WFDC3: variants seen among roughly 807,000 people sequenced by gnomAD.
WFDC3 encodes WAP four-disulfide core domain 3.
Under a neutral mutation model 25.8 loss-of-function variants are expected in WFDC3, and 15 were observed. The observed-to-expected ratio is 0.58, with a 90% CI of 0.39 to 0.89. WFDC3 has a LOEUF of 0.89. Among genes scored for constraint, WFDC3 ranks in the 40% least tolerant of loss-of-function variants. The pLI, the probability that WFDC3 is intolerant of heterozygous loss-of-function variation, is 0.00. For missense variants in WFDC3, 264 were observed against 289.8 expected (o/e 0.91, Z 0.65); for synonymous variants, 103 against 107.1 (o/e 0.96, Z 0.24).
chr20:45,786,787 T>C (rs565186674), intron 4 of WFDC3, among the ~76,000 whole-genome samples: 2 of 152,066 alleles, frequency 1.3e-5, no homozygotes, highest in East Asian at 1.9e-4. Flanking sequence ...TGTGTGTACA[T>C]AGGGAACATA....
intron 1 of WFDC3, among the ~76,000 whole-genome samples, chr20:45,791,469 A>G (rs6104345): frequency 0.7 from 105,434 of 151,304 alleles, 36,941 homozygotes; most frequent in Admixed American, 0.76. Context: ...GCTAATTTTT[A>G]TATTTTTAGT....
chr20:45,774,674 G>C (rs1980051333), intron 6 of WFDC3, among the ~76,000 whole-genome samples: 1 of 152,210 alleles, frequency 6.6e-6, no homozygotes, highest in Non-Finnish European at 1.5e-5. Context: ...GGGCACAGTG[G>C]CTCATGCCTG....
chr20:45,789,136 G>A (rs1980825230), intron 2 of WFDC3, 77 bp from the exon 3 acceptor site: 3 of 1,571,410 alleles, frequency 1.9e-6, no homozygotes, highest in Non-Finnish European at 8.6e-7. Flanking sequence ...GCCCCTCCAG[G>A]CATCTCTATC....
Position 45,785,924 on chromosome 20 carries a change from C to T in WFDC3, c.358+1912G>A, listed in dbSNP as rs187512045. Among the ~76,000 whole-genome samples, 18 of 152,248 alleles carry T rather than the reference C, an allele frequency of 1.2e-4. No homozygotes were observed. The East Asian group carries it at 2.7e-3, about 23-fold the overall frequency. ...CTCTCCCTCCCATTTCTACTCTAAC[C>T]GTACTAGCTTTCTTTCCATTTCTCA... On this transcript the variant is annotated intron_variant, in intron 4 of 6. Coordinates refer to ENST00000243938, the MANE Select transcript of WFDC3 (RefSeq NM_080614.2).
chr20:45,790,037 G>T, intron 1 of WFDC3, 55 bp from the exon 2 acceptor site: 1 of 1,453,822 alleles, frequency 6.9e-7, no homozygotes, highest in Non-Finnish European at 9.6e-7. Context: ...CTTGCCCAGA[G>T]TATCAGCTGA....
chr20:45,789,874 G>T lies in WFDC3; in HGVS notation c.82+20C>A, dbSNP rs781359877. 2.5e-6 allele frequency: 4 copies of T among 1,608,014 alleles called. No homozygotes were observed. Among genetic ancestry groups the T allele is most frequent in the South Asian group, 1.1e-5 (1 of 90,970 alleles). On this transcript the variant is annotated intron_variant, in intron 2 of 6. Transcript: ENST00000243938. ...TCACTTTCTGTTACTGTTGGCCAGG[G>T]ATCCCAAATGATAGCTCACCATGTT...
chr20:45,775,524 C>G lies in WFDC3; in HGVS notation c.572G>C (p.Gly191Ala), dbSNP rs1335815517. The G allele has an allele frequency of 6.2e-7, 1 of 1,614,206 alleles. No individual in the cohort carries two copies. Among genetic ancestry groups the G allele is most frequent in the African/African-American group, 1.3e-5 (1 of 75,042 alleles). ...GCVMDENCQAGEKCCKSGCGR... is the reference protein window; with the variant it reads ...GCVMDENCQAAEKCCKSGCGR... ...ACAGCCTGACTTGCAACATTTTTCT[C>G]CAGCTTGACAATTCTCATCCATCAC... Residue 191 changes from glycine to alanine, a missense_variant, in exon 6 of 7, where the codon GGA becomes GCA. Gly to Ala is a moderately conservative substitution (Grantham distance 60, BLOSUM62 0). Transcript: ENST00000243938.
intron 4 of WFDC3, among the ~76,000 whole-genome samples, chr20:45,780,382 T>G (rs915815265): frequency 6.6e-6 from 1 of 152,168 alleles, no homozygotes; most frequent in Admixed American, 6.5e-5. Context: ...TGGCCCTTTG[T>G]ACCTCTTTAT....
rs1004691049 is a variant in WFDC3, at chr20:45,774,415, C to A, written c.*13G>T. 6.2e-7 allele frequency: 1 copy of A among 1,614,116 alleles called. No individual in the cohort carries two copies. The highest frequency in any genetic ancestry group is 8.5e-7 in the Non-Finnish European group (1 of 1,180,016). On this transcript the variant is annotated 3_prime_UTR_variant, in exon 7 of 7. Coordinates refer to ENST00000243938, the MANE Select transcript of WFDC3 (RefSeq NM_080614.2). ...CCAGAATTACCAAAGAAGCTCCAGA[C>A]AAATCAGCACAGCTAGGGCACCGGG...
chr20:45,791,005 T>C, intron 1 of WFDC3: 1 of 463,330 alleles, frequency 2.2e-6, no homozygotes, highest in Non-Finnish European at 4.4e-6. Context: ...CTGTGATACC[T>C]AATGGTGTCC....
Position 45,775,440 on chromosome 20 carries a change from G to T in WFDC3, c.656C>A (p.Thr219Asn), listed in dbSNP as rs745557933. ...ACCTAATTCGGAATCAGACCTCACA[G>T]TCCAGTTGGGGTTCATGGTCAGTTT... ...PPKLTMNPNWTVRSDSELEIP... is the reference protein window; with the variant it reads ...PPKLTMNPNWNVRSDSELEIP... The change falls in exon 6 of 7, where the codon ACT becomes AAT. Residue 219 changes from threonine (T) to asparagine (N), a missense_variant. Coordinates refer to ENST00000243938, the MANE Select transcript of WFDC3 (RefSeq NM_080614.2). 2 of 1,614,194 alleles carry T rather than the reference G, an allele frequency of 1.2e-6. No individual in the cohort carries two copies. The highest frequency in any genetic ancestry group is 2.2e-5 in the South Asian group (2 of 91,080).
In WFDC3 at chr20:45,789,970, C is replaced by A; in HGVS notation, c.6G>T (p.Met2Ile). Residue 2 changes from methionine to isoleucine, a missense_variant, in exon 2 of 7, where the codon ATG (methionine) becomes ATT (isoleucine). Transcript: ENST00000243938. M[M>I]LSCLFLLKAL... ...CCTTCAGAAGAAAGAGGCAGCTTAA[C>A]ATCATGATGATGCTGAGAGTTGGGA... 1.2e-6 allele frequency: 2 copies of A among 1,614,048 alleles called. No individual in the cohort carries two copies. The highest frequency in any genetic ancestry group is 2.2e-5 in the South Asian group (2 of 91,070).
chr20:45,789,755 A>G (rs1406308601), intron 2 of WFDC3, 139 bp downstream of exon 2: 7 of 688,460 alleles, frequency 1.0e-5, no homozygotes, highest in East Asian at 5.4e-5. Context: ...CTGAGAATCT[A>G]TTCATCCAGT....
intron 5 of WFDC3, among the ~76,000 whole-genome samples, chr20:45,776,280 G>GTA (rs1980144919): frequency 3.1e-5 from 3 of 96,140 alleles, no homozygotes; most frequent in Non-Finnish European, 6.5e-5. Flanking sequence ...TTTTATCTCT[G>GTA]TGTGTGTGTG....
intron 4 of WFDC3, among the ~76,000 whole-genome samples, chr20:45,786,377 G>C (rs910683696): frequency 3.3e-5 from 5 of 152,178 alleles, no homozygotes; most frequent in African/African-American, 4.8e-5. Context: ...CTGAGCAACA[G>C]AGCAAGACTG....
Position 45,779,097 on chromosome 20 carries a change from C to T in WFDC3, c.359-1888G>A, listed in dbSNP as rs576033875. Reference sequence around the variant, plus strand: ...GGACAACACTCAGCCTCTTGATTTGCGGTAAAGTACTTTTTCTACTACACT... The same window carrying T: ...GGACAACACTCAGCCTCTTGATTTGTGGTAAAGTACTTTTTCTACTACACT... On this transcript the variant is annotated intron_variant, in intron 4 of 6. Transcript: ENST00000243938. Among the ~76,000 whole-genome samples the T allele has an allele frequency of 2.1e-3, 322 of 152,280 alleles. 1 individual carries two copies. The highest frequency in any genetic ancestry group is 3.4e-3 in the Non-Finnish European group (229 of 68,024).
intron 4 of WFDC3, chr20:45,778,592 C>G (rs919236381): frequency 6.6e-6 from 1 of 152,236 alleles, no homozygotes. Context: ...TCCCTCACTT[C>G]TTTCTTCTTC....
chr20:45,779,665 C>G (rs1980350447), intron 4 of WFDC3, among the ~76,000 whole-genome samples: 1 of 152,134 alleles, frequency 6.6e-6, no homozygotes, highest in South Asian at 2.1e-4. Flanking sequence ...AAAAATCTCC[C>G]TGGTGGAAAA....
In WFDC3 at chr20:45,790,965, T is replaced by G. The variant is rs751620847; in HGVS notation, c.-8+867A>C. The G allele has an allele frequency of 4.9e-5, 23 of 469,540 alleles. 1 individual carries two copies. Among genetic ancestry groups the G allele is most frequent in the South Asian group, 3.4e-4 (22 of 64,562 alleles). The allele number at this position is 469,540 out of a possible 1,614,324, so 29.1% of individuals were successfully genotyped here. ...TCTTTTTTCTCCATTTCTTTTTTTC[T>G]TTATCTGTCCTGGTCATGCCTTTGG... On this transcript the variant is annotated intron_variant, in intron 1 of 6. Transcript: ENST00000243938.
Sources: gnomAD v4.1 joint callset for allele counts (sites outside exome capture counted in the v4.1 genomes callset) on GRCh38, gnomAD v4.1.1 for gene constraint, MANE v1.5 for transcripts, NCBI Gene and HGNC (gene_info 2026-07-23, HGNC 2026-07-21) for gene names.